The following FARS2 variants were observed in gnomAD, a reference collection of about 807,000 sequenced individuals.
The protein encoded by FARS2 is phenylalanine--tRNA ligase, mitochondrial.
In FARS2, 40 loss-of-function variants were observed where a neutral mutation model predicts 46.4. The ratio of observed to expected loss-of-function variants is 0.86; its 90% CI spans 0.67 to 1.12. FARS2 has a LOEUF of 1.12. Ranked by LOEUF, FARS2 falls within the 50% of genes most tolerant of loss-of-function variation. FARS2 has a pLI of 0.00. For synonymous variants in FARS2, 234 were observed against 214.9 expected (o/e 1.09, Z -0.78); for missense variants, 513 against 567.9 (o/e 0.90, Z 0.98).
chr6:5,332,196 T>C (rs1770845324), intron 1 of FARS2, among the ~76,000 whole-genome samples: 1 of 152,164 alleles, frequency 6.6e-6, no homozygotes, highest in South Asian at 2.1e-4. Context: ...GCTCCAGTGA[T>C]AGACACTGAG....
At chr6:5,499,480 T>A (rs1190315236) in intron 4 of FARS2, among the ~76,000 whole-genome samples, 1 of 152,212 alleles carries the variant, frequency 6.6e-6, no homozygotes, top group Non-Finnish European at 1.5e-5. Flanking sequence ...ATTTCTGTTT[T>A]CAGATTTAGC....
rs994809818 is a variant in FARS2, at chr6:5,632,546, T to C, written c.1217+19226T>C. ...GCATACCCATTTAGCCCACCCACTC[T>C]TCCTTCCTTCCCTTCTTCCTTTCCC... On this transcript the variant is annotated intron_variant, in intron 6 of 6. Coordinates refer to ENST00000274680, the MANE Select transcript of FARS2 (RefSeq NM_006567.5). 2.0e-5 allele frequency among the ~76,000 whole-genome samples: 3 copies of C among 151,298 alleles called. No homozygotes were observed. In the East Asian group the frequency reaches 5.8e-4, roughly 29 times the overall value.
At chr6:5,553,575 T>C (rs1267948551) in intron 5 of FARS2, among the ~76,000 whole-genome samples, 1 of 152,178 alleles carries the variant, frequency 6.6e-6, no homozygotes, top group East Asian at 1.9e-4. Context: ...AGGTAGATTA[T>C]TCAGAGCCGA....
intron 4 of FARS2, among the ~76,000 whole-genome samples, chr6:5,465,983 A>C (rs1337966057): frequency 6.6e-6 from 1 of 152,106 alleles, no homozygotes; most frequent in Non-Finnish European, 1.5e-5. Flanking sequence ...AACATACCTC[A>C]ATAACTCTGT....
At chr6:5,335,541 G>A (rs1440853519) in intron 1 of FARS2, among the ~76,000 whole-genome samples, 1 of 152,126 alleles carries the variant, frequency 6.6e-6, no homozygotes, top group African/African-American at 2.4e-5. Flanking sequence ...ACTGTTTCAA[G>A]CTCTTTTTTT....
At chr6:5,617,498 C>T (rs1172803736) in intron 6 of FARS2, among the ~76,000 whole-genome samples, 1 of 152,228 alleles carries the variant, frequency 6.6e-6, no homozygotes, top group African/African-American at 2.4e-5. Flanking sequence ...CCTTCTGCCT[C>T]ATGCCATTGT....
At chr6:5,736,880 G>A (rs1456468833) in intron 6 of FARS2, among the ~76,000 whole-genome samples, 2 of 152,130 alleles carry the variant, frequency 1.3e-5, no homozygotes, top group South Asian at 2.1e-4. Flanking sequence ...CTGCTGTAAT[G>A]TGGAATAACT....
rs1418463957 is a variant in FARS2, at chr6:5,728,256, CTA to C, written c.1218-43034_1218-43033del. ...TAATTTGGGTTTGTTTCAAAATAGCCTAATAGCTGGGAATGGGCTGGTTTGGC... is the reference window on the plus strand; with the variant it reads ...TAATTTGGGTTTGTTTCAAAATAGCCATAGCTGGGAATGGGCTGGTTTGGC... On this transcript the variant is annotated intron_variant, in intron 6 of 6. Coordinates refer to ENST00000274680, the MANE Select transcript of FARS2 (RefSeq NM_006567.5). 1.6e-4 allele frequency among the ~76,000 whole-genome samples: 24 copies of C among 152,256 alleles called. 1 individual carries two copies. In the East Asian group the frequency reaches 4.3e-3, roughly 27 times the overall value.
intron 6 of FARS2, among the ~76,000 whole-genome samples, chr6:5,690,101 TG>T (rs1757580988): frequency 6.6e-6 from 1 of 152,236 alleles, no homozygotes; most frequent in African/African-American, 2.4e-5. Context: ...TCTCTGCACG[TG>T]AGATGGTTTC....
intron 5 of FARS2, among the ~76,000 whole-genome samples, chr6:5,572,742 A>C (rs1029778378): frequency 1.3e-5 from 2 of 151,938 alleles, no homozygotes; most frequent in African/African-American, 2.4e-5. Context: ...TCCTAGATCT[A>C]CTTAATCAAA....
intron 6 of FARS2, among the ~76,000 whole-genome samples, chr6:5,714,192 G>C (rs1293626979): frequency 2.0e-5 from 3 of 152,170 alleles, no homozygotes; most frequent in Non-Finnish European, 4.4e-5. Flanking sequence ...AGGAGCCAAA[G>C]CACTTTGCTA....
intron 3 of FARS2, among the ~76,000 whole-genome samples, chr6:5,428,114 A>G (rs1430480008): frequency 6.6e-6 from 1 of 152,208 alleles, no homozygotes; most frequent in Non-Finnish European, 1.5e-5. Context: ...TGCAGTAGAC[A>G]TTTAGTTAGG....
intron 1 of FARS2, among the ~76,000 whole-genome samples, chr6:5,281,715 T>C (rs1228974052): frequency 1.3e-5 from 2 of 149,246 alleles, no homozygotes; most frequent in Admixed American, 6.8e-5. Flanking sequence ...AACCAATATA[T>C]AGTAATGATA....
intron 5 of FARS2, among the ~76,000 whole-genome samples, chr6:5,576,051 T>G (rs1772942319): frequency 1.3e-5 from 2 of 152,180 alleles, no homozygotes; most frequent in Non-Finnish European, 2.9e-5. Flanking sequence ...ACATTATAAT[T>G]AAGTTATTTA....
At chr6:5,290,162 C>G (rs1353740850) in intron 1 of FARS2, among the ~76,000 whole-genome samples, 2 of 152,034 alleles carry the variant, frequency 1.3e-5, no homozygotes, top group African/African-American at 4.8e-5. Context: ...ATATCCATAC[C>G]CTTCAACAAA....
At chr6:5,426,248 A>G (rs1199704148) in intron 3 of FARS2, among the ~76,000 whole-genome samples, 2 of 152,342 alleles carry the variant, frequency 1.3e-5, no homozygotes, top group African/African-American at 2.4e-5. Context: ...ATTTTCCTCT[A>G]TAGCCCCAAT....
In FARS2 at chr6:5,368,776, A is replaced by G. The variant is rs1238818327; in HGVS notation, c.206A>G (p.Lys69Arg). 2 of 1,614,082 alleles carry G rather than the reference A, an allele frequency of 1.2e-6. No homozygotes were observed. Among genetic ancestry groups the G allele is most frequent in the Non-Finnish European group, 1.7e-6 (2 of 1,180,042 alleles). Residue 69 changes from lysine (K) to arginine (R), a missense_variant, in exon 2 of 7, where the codon AAG becomes AGG. Transcript: ENST00000274680. ...PQDDHSNLTR[K>R]VLTRVGRNLH... ...GACGACCACAGCAACCTCACCCGGA[A>G]GGTCCTCACCAGAGTTGGCAGGAAC... is the stretch of plus-strand genomic sequence containing the variant.
chr6:5,335,321 A>C (rs1426990104), intron 1 of FARS2, among the ~76,000 whole-genome samples: 1 of 152,200 alleles, frequency 6.6e-6, no homozygotes, highest in Non-Finnish European at 1.5e-5. Context: ...GAGGGAAATG[A>C]GAATAAGAAA....
At chr6:5,419,754 G>A (rs1043587358) in intron 3 of FARS2, among the ~76,000 whole-genome samples, 6 of 152,056 alleles carry the variant, frequency 3.9e-5, no homozygotes, top group African/African-American at 7.2e-5. Context: ...TTCTGGCACC[G>A]TCATGGAGCT....
Sources: gnomAD v4.1 joint callset for allele counts (sites outside exome capture counted in the v4.1 genomes callset) on GRCh38, gnomAD v4.1.1 for gene constraint, MANE v1.5 for transcripts, NCBI Gene and HGNC (gene_info 2026-07-23, HGNC 2026-07-21) for gene names.